Variants in SLC16A10 observed in about 807,000 individuals in gnomAD.
SLC16A10 encodes the protein solute carrier family 16 member 10.
In SLC16A10, 27 loss-of-function variants were observed where a neutral mutation model predicts 40.0. The observed-to-expected ratio is 0.67, with a 90% CI of 0.50 to 0.93. The LOEUF is 0.93. Among genes scored for constraint, SLC16A10 ranks in the 40% least tolerant of loss-of-function variants. The probability of loss-of-function intolerance (pLI) is 0.00; values close to 1 mark genes in which losing one functional copy is unlikely to be tolerated. For synonymous variants in SLC16A10, 213 were observed against 249.8 expected, an observed-to-expected ratio of 0.85 and a Z score of 1.39; for missense variants, 529 against 658.2, an observed-to-expected ratio of 0.80 and a Z score of 2.15.
intron 1 of SLC16A10, among the ~76,000 whole-genome samples, chr6:111,117,020 A>C (rs555560017): frequency 6.6e-6 from 1 of 152,134 alleles, no homozygotes; most frequent in African/African-American, 2.4e-5. Flanking sequence ...ACACAATTAC[A>C]TGGAAGTTGG....
At chr6:111,099,207 C>T (rs776086156) in intron 1 of SLC16A10, among the ~76,000 whole-genome samples, 1 of 152,132 alleles carries the variant, frequency 6.6e-6, no homozygotes, top group Non-Finnish European at 1.5e-5. Context: ...GGCAGGGGAG[C>T]TGGTGAGGCA....
chr6:111,137,955 G>A (rs908227204), intron 1 of SLC16A10, among the ~76,000 whole-genome samples: 1 of 152,204 alleles, frequency 6.6e-6, no homozygotes, highest in Non-Finnish European at 1.5e-5. Context: ...GAGCACAGGG[G>A]GAGGGACAAT....
Position 111,177,218 on chromosome 6 carries a change from C to T in SLC16A10, c.495C>T (p.Ile165=). The change falls in exon 3 of 6, where the codon ATC becomes ATT. Residue 165 remains isoleucine (I), a synonymous_variant. Transcript: ENST00000368851. ...CTTTTTCATCTTTATACAGTTCCAT[C>T]GAGCCTCTGTACCTTACCTATGGAA... ...GLMSSSFVSS[I]EPLYLTYGII... 2.4e-5 allele frequency: 37 copies of T among 1,515,890 alleles called. No homozygotes were observed. Among genetic ancestry groups the T allele is most frequent in the Non-Finnish European group, 3.1e-5 (35 of 1,133,010 alleles). The allele number at this position is 1,515,890 out of a possible 1,614,324, so 93.9% of individuals were successfully genotyped here. A position where few individuals can be genotyped will look rare whatever the true frequency, so the allele number is the denominator to read the frequency against.
intron 1 of SLC16A10, among the ~76,000 whole-genome samples, chr6:111,089,857 T>C (rs2114419777): frequency 6.6e-6 from 1 of 151,344 alleles, no homozygotes; most frequent in African/African-American, 2.4e-5. Context: ...CTTTTGTTTA[T>C]CATTGTTTTT....
At chr6:111,201,452 A>G (rs1228509774) in intron 3 of SLC16A10, among the ~76,000 whole-genome samples, 2 of 152,176 alleles carry the variant, frequency 1.3e-5, no homozygotes. Flanking sequence ...GTTGTCAGTC[A>G]GCTGTTACTC....
At chr6:111,167,391 C>G (rs1422918478) in intron 1 of SLC16A10, among the ~76,000 whole-genome samples, 1 of 152,094 alleles carries the variant, frequency 6.6e-6, no homozygotes, top group African/African-American at 2.4e-5. Context: ...TGAGCTGGCA[C>G]CTTCTTGGGC....
chr6:111,128,736 G>A (rs1771726633), intron 1 of SLC16A10, among the ~76,000 whole-genome samples: 1 of 151,940 alleles, frequency 6.6e-6, no homozygotes, highest in Admixed American at 6.6e-5. Flanking sequence ...AGATTATGAT[G>A]ATTACCTCCT....
At chr6:111,096,984 T>A (rs1771085584) in intron 1 of SLC16A10, among the ~76,000 whole-genome samples, 1 of 152,048 alleles carries the variant, frequency 6.6e-6, no homozygotes, top group Admixed American at 6.6e-5. Context: ...CACACCTGGC[T>A]AATTTTTAAA....
chr6:111,185,584 T>C (rs2114558258), intron 3 of SLC16A10, among the ~76,000 whole-genome samples: 1 of 152,308 alleles, frequency 6.6e-6, no homozygotes, highest in East Asian at 1.9e-4. Context: ...ACTGAGGCCA[T>C]GCAGTTACTT....
intron 1 of SLC16A10, among the ~76,000 whole-genome samples, chr6:111,116,105 T>A (rs942927965): frequency 2.6e-5 from 4 of 152,138 alleles, no homozygotes; most frequent in African/African-American, 9.7e-5. Flanking sequence ...ATCACTTGAT[T>A]CAGAATCTCA....
intron 1 of SLC16A10, among the ~76,000 whole-genome samples, chr6:111,146,394 T>C (rs945829843): frequency 5.9e-5 from 9 of 152,170 alleles, no homozygotes; most frequent in Non-Finnish European, 8.8e-5. Flanking sequence ...CCTCAGAGAT[T>C]TACCACATGG....
At chr6:111,153,967 T>A (rs1242651486) in intron 1 of SLC16A10, among the ~76,000 whole-genome samples, 1 of 152,150 alleles carries the variant, frequency 6.6e-6, no homozygotes, top group African/African-American at 2.4e-5. Context: ...AAAAGAGGTG[T>A]ACAGAAATGG....
chr6:111,101,647 G>A (rs1006755600), intron 1 of SLC16A10, among the ~76,000 whole-genome samples: 8 of 152,194 alleles, frequency 5.3e-5, no homozygotes, highest in African/African-American at 1.9e-4. Context: ...TTTTGAGACA[G>A]AGTCTTGCTG....
chr6:111,197,556 C>T (rs1445043805), intron 3 of SLC16A10, among the ~76,000 whole-genome samples: 1 of 152,138 alleles, frequency 6.6e-6, no homozygotes, highest in African/African-American at 2.4e-5. Context: ...CTGAATGTAT[C>T]CTTTTCTGTT....
intron 4 of SLC16A10, among the ~76,000 whole-genome samples, chr6:111,210,536 A>G (rs1162433558): frequency 6.6e-6 from 1 of 152,168 alleles, no homozygotes; most frequent in Admixed American, 6.5e-5. Flanking sequence ...CCTGTGCCCC[A>G]AGCACCAGCT....
chr6:111,170,561 C>T (rs1425276761), intron 1 of SLC16A10, among the ~76,000 whole-genome samples: 2 of 151,950 alleles, frequency 1.3e-5, no homozygotes, highest in Non-Finnish European at 2.9e-5. Flanking sequence ...GTGATTCTCC[C>T]ATCTCAGCCT....
chr6:111,114,720 G>A (rs1314864597), intron 1 of SLC16A10, among the ~76,000 whole-genome samples: 1 of 151,884 alleles, frequency 6.6e-6, no homozygotes, highest in Admixed American at 6.6e-5. Context: ...CCAGAGGAGG[G>A]GCCTCATCTC....
chr6:111,225,707 A>G lies in SLC16A10; in HGVS notation c.*3472A>G, dbSNP rs1770984959. The G allele has an allele frequency of 6.6e-6, 1 of 152,158 alleles. No individual in the cohort carries two copies. The highest frequency in any genetic ancestry group is 1.5e-5 in the Non-Finnish European group (1 of 68,016). The allele number at this position is 152,158 out of a possible 1,614,324, so 9.4% of individuals were successfully genotyped here. On this transcript the variant is annotated 3_prime_UTR_variant, in exon 6 of 6. Coordinates refer to ENST00000368851, the MANE Select transcript of SLC16A10 (RefSeq NM_018593.5). ...CCAGATGACTTTTGATGTTAAATCA[A>G]TGGAAAACTGAATAGAAAATATGAC... is the stretch of plus-strand genomic sequence containing the variant.
chr6:111,163,262 C>G (rs1772408150), intron 1 of SLC16A10, among the ~76,000 whole-genome samples: 1 of 148,114 alleles, frequency 6.8e-6, no homozygotes, highest in Non-Finnish European at 1.5e-5. Flanking sequence ...ACACCATTCT[C>G]CTGCCTCAGC....
Sources: gnomAD v4.1 joint callset for allele counts (sites outside exome capture counted in the v4.1 genomes callset) on GRCh38, gnomAD v4.1.1 for gene constraint, MANE v1.5 for transcripts, NCBI Gene and HGNC (gene_info 2026-07-23, HGNC 2026-07-21) for gene names.